Variants in CPB2 observed in about 807,000 individuals in gnomAD.
CPB2 encodes the protein carboxypeptidase B2.
In CPB2, 54 loss-of-function variants were observed where a neutral mutation model predicts 57.0. That is an observed-to-expected ratio of 0.95 (90% CI 0.76 to 1.19). CPB2 has a LOEUF of 1.19. Among genes scored for constraint, CPB2 ranks in the 50% most tolerant of loss-of-function variants. The pLI is 0.00. For missense variants in CPB2, 426 were observed against 512.0 expected, an observed-to-expected ratio of 0.83 and a Z score of 1.62; for synonymous variants, 189 against 178.1, an observed-to-expected ratio of 1.06 and a Z score of -0.49.
chr13:46,068,758 T>A (rs1482317397), intron 6 of CPB2, among the ~76,000 whole-genome samples: 2 of 151,798 alleles, frequency 1.3e-5, no homozygotes, highest in Non-Finnish European at 2.9e-5. Flanking sequence ...GTTCTCATTG[T>A]TCAGCTCCCA....
At chr13:46,069,606 T>C (rs561759496) in intron 6 of CPB2, among the ~76,000 whole-genome samples, 1 of 152,344 alleles carries the variant, frequency 6.6e-6, no homozygotes, top group East Asian at 1.9e-4. Context: ...TGTGGCATTT[T>C]GTATCTGGTT....
At chr13:46,082,248 C>T (rs547416518) in intron 4 of CPB2, among the ~76,000 whole-genome samples, 193 bp downstream of exon 4, 1 of 152,072 alleles carries the variant, frequency 6.6e-6, no homozygotes, top group Non-Finnish European at 1.5e-5. Flanking sequence ...TGCAGTTTAC[C>T]AAATATGATG....
rs760443326 is a variant in CPB2, at chr13:46,082,535, T to C, written c.290A>G (p.Asp97Gly). Residue 97 changes from aspartate (D) to glycine (G), a missense_variant, in exon 4 of 11, where the codon GAT (aspartate) becomes GGT (glycine). Coordinates refer to ENST00000181383, the MANE Select transcript of CPB2 (RefSeq NM_001872.5). ...CTGCTGTTGAATAAGATCTTCCACATCTGCCAGCAAGACACTAGGTGATGA... is the reference window on the plus strand; with the variant it reads ...CTGCTGTTGAATAAGATCTTCCACACCTGCCAGCAAGACACTAGGTGATGA... ...SGIPCSVLLADVEDLIQQQIS... is the reference protein window; with the variant it reads ...SGIPCSVLLAGVEDLIQQQIS... 1 of 1,612,336 alleles carries C rather than the reference T, an allele frequency of 6.2e-7. No homozygotes were observed. The highest frequency in any genetic ancestry group is 8.5e-7 in the Non-Finnish European group (1 of 1,178,516).
chr13:46,102,540 C>CA (rs10624204), intron 1 of CPB2, among the ~76,000 whole-genome samples: 5,256 of 108,150 alleles, frequency 0.049, 342 homozygotes, highest in African/African-American at 0.13. Context: ...ATGATTATGA[C>CA]AAAAAAAAAA....
rs1158987975 is a variant in CPB2 at position 46,064,738 on chromosome 13, G to A, written c.706C>T (p.Arg236Ter). Reference sequence around the variant, plus strand: ...AAAGAACGGTTCTTTCTCCACATTCGATTCTACATAAACAAAATACAAACA... The same window carrying A: ...AAAGAACGGTTCTTTCTCCACATTCAATTCTACATAAACAAAATACAAACA... ...DGYDYSWKKN[R>*]MWRKNRSFYA... Residue 236 changes from arginine to a stop codon, truncating the protein, a stop_gained, in exon 8 of 11, where the codon CGA becomes TGA. Transcript: ENST00000181383. LOFTEE classifies it high-confidence loss of function. The A allele has an allele frequency of 3.7e-6, 6 of 1,613,374 alleles. No homozygotes were observed. Among genetic ancestry groups the A allele is most frequent in the East Asian group, 4.5e-5 (2 of 44,862 alleles).
chr13:46,075,412 T>A lies in CPB2; in HGVS notation c.487-1435A>T, dbSNP rs17067674. Among the ~76,000 whole-genome samples, 1,329 of 152,334 alleles carry A rather than the reference T, an allele frequency of 8.7e-3. 46 individuals carry two copies. The highest frequency in any genetic ancestry group is 0.065 in the Admixed American group (989 of 15,300). The stretch of plus-strand genomic sequence containing the variant: ...GGCAAAATCCCAGAGACTCACATTA[T>A]CTGCACATCCTTGATCAAGTAAGAG... On this transcript the variant is annotated intron_variant, in intron 5 of 10. Coordinates refer to ENST00000181383, the MANE Select transcript of CPB2 (RefSeq NM_001872.5).
At chr13:46,056,627 A>C (rs902342166) in intron 9 of CPB2, among the ~76,000 whole-genome samples, 2 of 152,224 alleles carry the variant, frequency 1.3e-5, no homozygotes, top group Non-Finnish European at 1.5e-5. Flanking sequence ...TTTATCTGAC[A>C]GTCACACCCC....
At chr13:46,073,716 A>G (rs1352060157) in intron 6 of CPB2, among the ~76,000 whole-genome samples, 157 bp downstream of exon 6, 1 of 151,248 alleles carries the variant, frequency 6.6e-6, no homozygotes, top group East Asian at 1.9e-4. Flanking sequence ...TTACTAATGC[A>G]TAAAAGTCAC....
chr13:46,100,527 C>T (rs2045421092), intron 1 of CPB2: 1 of 152,074 alleles, frequency 6.6e-6, no homozygotes, highest in African/African-American at 2.4e-5. Flanking sequence ...AAGTCACCAC[C>T]CTCCCAAAGG....
At position 46,053,772 on chromosome 13, in the gene CPB2, A is replaced by G. The variant is rs2044627030; in HGVS notation, c.1114T>C (p.Trp372Arg). Residue 372 changes from tryptophan to arginine, a missense_variant, in exon 11 of 11, where the codon TGG (tryptophan) becomes CGG (arginine). Trp to Arg is a moderately radical substitution (Grantham distance 101, BLOSUM62 -3). Transcript: ENST00000181383. ...LYLAPGGGDDWIYDLGIKYSF... is the reference protein window; with the variant it reads ...LYLAPGGGDDRIYDLGIKYSF... ...TATTTGATGCCCAAATCATAGATCC[A>G]ATCGTCCCCACCTCCAGGAGCTAGG... 6.2e-7 allele frequency: 1 copy of G among 1,614,036 alleles called. No individual in the cohort carries two copies. The highest frequency in any genetic ancestry group is 8.5e-7 in the Non-Finnish European group (1 of 1,180,010).
intron 10 of CPB2, among the ~76,000 whole-genome samples, chr13:46,054,412 G>A (rs1278752503): frequency 1.3e-5 from 2 of 151,918 alleles, no homozygotes; most frequent in Non-Finnish European, 2.9e-5. Context: ...TCCTTACTGA[G>A]ATTTCAACTT....
chr13:46,082,393 A>G (rs2139392807), intron 4 of CPB2, 48 bp downstream of exon 4: 2 of 1,101,494 alleles, frequency 1.8e-6, no homozygotes, highest in East Asian at 2.5e-5. Flanking sequence ...AAATGGCAAT[A>G]CTGGTTAAAT....
intron 6 of CPB2, among the ~76,000 whole-genome samples, chr13:46,070,365 T>C (rs936901573): frequency 2.6e-5 from 4 of 152,152 alleles, no homozygotes; most frequent in Non-Finnish European, 5.9e-5. Context: ...CCACCATAAA[T>C]TGAGAAGCCT....
intron 6 of CPB2, among the ~76,000 whole-genome samples, chr13:46,071,147 G>C (rs1233092446): frequency 6.6e-6 from 1 of 152,164 alleles, no homozygotes; most frequent in Non-Finnish European, 1.5e-5. Context: ...AACTCCAGAA[G>C]AGCAGGTCAA....
intron 5 of CPB2, among the ~76,000 whole-genome samples, chr13:46,075,915 G>A (rs563877597): frequency 6.6e-5 from 10 of 152,260 alleles, no homozygotes; most frequent in African/African-American, 2.4e-4. Flanking sequence ...CTTTACTAAG[G>A]TCAATTTATT....
intron 8 of CPB2, among the ~76,000 whole-genome samples, chr13:46,063,207 T>G (rs2044802108): frequency 6.6e-6 from 1 of 152,176 alleles, no homozygotes; most frequent in Admixed American, 6.5e-5. Context: ...CATGTGCAGG[T>G]TTTTTCCATG....
intron 1 of CPB2, among the ~76,000 whole-genome samples, chr13:46,091,196 TA>T (rs1397294767): frequency 6.6e-6 from 1 of 152,198 alleles, no homozygotes; most frequent in Non-Finnish European, 1.5e-5. Context: ...TTGGTATAGA[TA>T]TTTGGGGGGA....
At chr13:46,082,289 A>G in intron 4 of CPB2, 152 bp downstream of exon 4, 2 of 448,340 alleles carry the variant, frequency 4.5e-6, no homozygotes, top group Admixed American at 7.8e-5. Flanking sequence ...TCTACCAAAA[A>G]ATGAATGACC....
At chr13:46,065,303 T>C (rs1393069081) in intron 7 of CPB2, among the ~76,000 whole-genome samples, 2 of 152,154 alleles carry the variant, frequency 1.3e-5, no homozygotes, top group African/African-American at 2.4e-5. Flanking sequence ...ATTGGGTTCT[T>C]GGGGTAAACT....
Sources: gnomAD v4.1 joint callset for allele counts (sites outside exome capture counted in the v4.1 genomes callset) on GRCh38, gnomAD v4.1.1 for gene constraint, MANE v1.5 for transcripts, NCBI Gene and HGNC (gene_info 2026-07-23, HGNC 2026-07-21) for gene names.